MROH2B: variants seen among roughly 807,000 people sequenced by gnomAD.
MROH2B encodes maestro heat like repeat family member 2B.
MROH2B carries 177 observed loss-of-function variants against 208.6 expected under a neutral mutation model. The observed-to-expected ratio is 0.85, with a 90% confidence interval of 0.75 to 0.96. MROH2B has a LOEUF of 0.96. MROH2B is among the 40% of genes least tolerant of loss of function. The probability of loss-of-function intolerance (pLI) is 0.00; values close to 1 mark genes in which losing one functional copy is unlikely to be tolerated. For missense variants in MROH2B, 2,002 were observed against 1,878.7 expected (o/e 1.07, Z -1.21); for synonymous variants, 728 against 659.0 (o/e 1.10, Z -1.60).
intron 29 of MROH2B, among the ~76,000 whole-genome samples, chr5:41,014,836 C>G (rs990300440): frequency 2.6e-5 from 4 of 152,170 alleles, no homozygotes; most frequent in Non-Finnish European, 5.9e-5. Context: ...TTATTTTTCT[C>G]AGTTATCATT....
rs1384782460 is a variant in MROH2B, at chr5:41,012,744, G to A, written c.2983-9C>T. The A allele has an allele frequency of 2.5e-6, 4 of 1,612,756 alleles. No individual in the cohort carries two copies. The highest frequency in any genetic ancestry group is 1.3e-5 in the African/African-American group (1 of 74,830). On this transcript the variant is annotated splice_polypyrimidine_tract_variant and intron_variant, in intron 29 of 41. Transcript: ENST00000399564. The stretch of plus-strand genomic sequence containing the variant: ...ATGAACTTACTGACAATCTGAAAAT[G>A]CACCCAGAAAGATTCGTGTAATCAA...
rs1157634295 is a variant in MROH2B, at chr5:41,004,406, G to A, written c.4134C>T (p.Asp1378=). Reference sequence around the variant, plus strand: ...CCTTGAAGTAGAAGCTCACGTCTCGGTCTGTCAGCAGCTCCAGGATTTTTT... The same window carrying A: ...CCTTGAAGTAGAAGCTCACGTCTCGATCTGTCAGCAGCTCCAGGATTTTTT... ...ALKKILELLT[D]RDVSFYFKEI... Residue 1378 remains aspartate, a synonymous_variant, in exon 37 of 42, where the codon GAC becomes GAT. Transcript: ENST00000399564. 1 of 1,613,860 alleles carries A rather than the reference G, an allele frequency of 6.2e-7. No homozygotes were observed. The highest frequency in any genetic ancestry group is 1.3e-5 in the African/African-American group (1 of 74,906).
In MROH2B at chr5:41,034,651, TA is replaced by T. The variant is rs202086340; in HGVS notation, c.2215-788del. ...TAGCATTTGTGTATTTTTAATTTTT[TA>T]AAAAAAGATTCCTATTCACTGGCAA... On this transcript the variant is annotated intron_variant, in intron 21 of 41. Coordinates refer to ENST00000399564, the MANE Select transcript of MROH2B (RefSeq NM_173489.5). 3.5e-3 allele frequency among the ~76,000 whole-genome samples: 521 copies of T among 147,424 alleles called. 5 individuals carry two copies. Among genetic ancestry groups the T allele is most frequent in the African/African-American group, 0.012 (475 of 40,124 alleles).
intron 2 of MROH2B, among the ~76,000 whole-genome samples, chr5:41,068,534 G>A (rs1441514778): frequency 6.6e-6 from 1 of 152,164 alleles, no homozygotes; most frequent in East Asian, 1.9e-4. Context: ...ACGTACTGAT[G>A]CTACAATTTG....
intron 24 of MROH2B, among the ~76,000 whole-genome samples, chr5:41,022,576 CG>C (rs942181910): frequency 6.6e-6 from 1 of 152,158 alleles, no homozygotes; most frequent in Admixed American, 6.5e-5. Flanking sequence ...TGGAGCCCAC[CG>C]CAGCTCAAGG....
chr5:41,070,963 C>T lies in MROH2B; in HGVS notation c.-111G>A. 9.1e-7 allele frequency: 1 copy of T among 1,093,582 alleles called. No individual in the cohort carries two copies. The highest frequency in any genetic ancestry group is 2.1e-5 in the Admixed American group (1 of 47,384). 67.7% of individuals were successfully genotyped at this position (1,093,582 alleles called of 1,614,324 possible). Reference sequence around the variant, plus strand: ...GTTTCTCATATAAGGTTCACATAAGCCTCTCTAAATGAAAGTGCCTCCTCC... The same window carrying T: ...GTTTCTCATATAAGGTTCACATAAGTCTCTCTAAATGAAAGTGCCTCCTCC... On this transcript the variant is annotated 5_prime_UTR_variant, in exon 1 of 42. Transcript: ENST00000399564.
In MROH2B at chr5:41,057,138, A is replaced by C; in HGVS notation, c.890T>G (p.Met297Arg). The change falls in exon 9 of 42, where the codon ATG (methionine) becomes AGG (arginine). Residue 297 changes from methionine to arginine, a missense_variant. By Grantham distance (91) the Met-to-Arg change is moderately conservative (BLOSUM62 -1). Coordinates refer to ENST00000399564, the MANE Select transcript of MROH2B (RefSeq NM_173489.5). ...APEPPVKENE[M>R]KASSCFLILA... ...AATGAGAAAACAGCTTGAAGCTTTC[A>C]TTTCATTTTCCTTTACTGGAGGCTC... The C allele has an allele frequency of 6.2e-7, 1 of 1,613,986 alleles. No individual in the cohort carries two copies. Among genetic ancestry groups the C allele is most frequent in the Non-Finnish European group, 8.5e-7 (1 of 1,179,874 alleles).
rs1741657747 is a variant in MROH2B, at chr5:41,008,292, C to T, written c.3608+314G>A. 3.3e-5 allele frequency among the ~76,000 whole-genome samples: 5 copies of T among 151,896 alleles called. No individual in the cohort carries two copies. The South Asian group carries it at 1.0e-3, about 32-fold the overall frequency. On this transcript the variant is annotated intron_variant, in intron 33 of 41. Transcript: ENST00000399564. ...TTTATTTTTCTTTTTTCCCTGGTGG[C>T]CTTGAAGATCACAAGATTCCAGCCT...
chr5:41,007,227 C>T (rs949215145), intron 34 of MROH2B, 87 bp downstream of exon 34: 121 of 1,262,010 alleles, frequency 9.6e-5, no homozygotes, highest in South Asian at 2.1e-4. Flanking sequence ...CAATTATGCT[C>T]AGTGAAGTTG....
intron 32 of MROH2B, among the ~76,000 whole-genome samples, 195 bp downstream of exon 32, chr5:41,009,085 G>A (rs73090318): frequency 0.04 from 6,065 of 152,128 alleles, 407 homozygotes; most frequent in African/African-American, 0.14. Context: ...TTTTTTGGGG[G>A]GTTGATGAGA....
At chr5:41,036,127 TATACAC>T (rs1054986593) in intron 21 of MROH2B, among the ~76,000 whole-genome samples, 99 of 124,220 alleles carry the variant, frequency 8.0e-4, no homozygotes, top group Non-Finnish European at 1.3e-3. Context: ...ATATATTATA[TATACAC>T]ACACACACAC....
chr5:41,019,032 C>T lies in MROH2B; in HGVS notation c.2442-14G>A, dbSNP rs1276793144. 1.2e-6 allele frequency: 2 copies of T among 1,613,544 alleles called. No individual in the cohort carries two copies. The highest frequency in any genetic ancestry group is 2.7e-5 in the African/African-American group (2 of 74,902). ...GGTTTCAGTTTACTGAAATGAGAACCAGGTGGAGGAATGGATATTACAGTG... is the reference window on the plus strand; with the variant it reads ...GGTTTCAGTTTACTGAAATGAGAACTAGGTGGAGGAATGGATATTACAGTG... On this transcript the variant is annotated splice_polypyrimidine_tract_variant and intron_variant, in intron 24 of 41. Transcript: ENST00000399564.
chr5:41,032,705 A>G, intron 24 of MROH2B, 37 bp downstream of exon 24: 7 of 1,557,556 alleles, frequency 4.5e-6, no homozygotes, highest in Non-Finnish European at 6.2e-6. Flanking sequence ...TAAGGGGGAA[A>G]ATACTTTTTC....
In MROH2B at chr5:41,064,482, A is replaced by T; in HGVS notation, c.450T>A (p.Thr150=). 1 of 1,613,260 alleles carries T rather than the reference A, an allele frequency of 6.2e-7. No individual in the cohort carries two copies. The highest frequency in any genetic ancestry group is 1.1e-5 in the South Asian group (1 of 90,940). ...RLAEDERMKG[T]FCIALEKFSK... The stretch of plus-strand genomic sequence containing the variant: ...CATCGGGATACCCACCAATACAGAA[A>T]GTCCCCTTCATCCTTTCATCCTCGG... The change falls in exon 5 of 42, where the codon ACT becomes ACA. Residue 150 remains threonine, a synonymous_variant. Coordinates refer to ENST00000399564, the MANE Select transcript of MROH2B (RefSeq NM_173489.5).
At chr5:41,059,433 A>G (rs905987689) in intron 6 of MROH2B, among the ~76,000 whole-genome samples, 6 of 152,318 alleles carry the variant, frequency 3.9e-5, no homozygotes, top group African/African-American at 1.4e-4. Context: ...TTTCTTAAAA[A>G]TTGACATCAT....
intron 5 of MROH2B, among the ~76,000 whole-genome samples, chr5:41,062,399 C>G (rs528664716): frequency 6.6e-6 from 1 of 152,142 alleles, no homozygotes; most frequent in Admixed American, 6.6e-5. Flanking sequence ...CTGACAATCT[C>G]CCACTTCTTG....
At chr5:41,024,466 A>G (rs1175825768) in intron 24 of MROH2B, among the ~76,000 whole-genome samples, 1 of 152,214 alleles carries the variant, frequency 6.6e-6, no homozygotes, top group Non-Finnish European at 1.5e-5. Flanking sequence ...AAAGGGATCA[A>G]TTCAACAAGA....
chr5:41,039,469 CTT>C lies in MROH2B; in HGVS notation c.2038_2039del (p.Lys680ValfsTer7), dbSNP rs1401572404. On this transcript the variant is annotated frameshift_variant, in exon 20 of 42. Coordinates refer to ENST00000399564, the MANE Select transcript of MROH2B (RefSeq NM_173489.5). LOFTEE classifies it high-confidence loss of function. ...TTACCTTACATCGATTCATGAAAAA[CTT>C]TTCCTGATTTTGGAATGTTTTAAGA... ...KVLKTFQNQE[K>X]FFMNRCKSLF... 6.3e-7 allele frequency: 1 copy of C among 1,597,826 alleles called. No homozygotes were observed. Among genetic ancestry groups the C allele is most frequent in the South Asian group, 1.1e-5 (1 of 88,240 alleles).
intron 13 of MROH2B, among the ~76,000 whole-genome samples, chr5:41,049,673 G>A (rs1743229022): frequency 6.6e-6 from 1 of 152,092 alleles, no homozygotes; most frequent in Admixed American, 6.5e-5. Flanking sequence ...TGGAATGTGG[G>A]GCAGGACAAT....
Sources: gnomAD v4.1 joint callset for allele counts (sites outside exome capture counted in the v4.1 genomes callset) on GRCh38, gnomAD v4.1.1 for gene constraint, MANE v1.5 for transcripts, NCBI Gene and HGNC (gene_info 2026-07-23, HGNC 2026-07-21) for gene names.